COL19A1: variants seen among roughly 807,000 people sequenced by gnomAD.
The protein encoded by COL19A1 is collagen type XIX alpha 1 chain.
COL19A1 carries 159 observed loss-of-function variants against 190.2 expected under a neutral mutation model. The ratio of observed to expected loss-of-function variants is 0.84; its 90% CI spans 0.73 to 0.95. COL19A1 has a LOEUF of 0.95. Ranked by LOEUF, COL19A1 falls within the 40% of genes least tolerant of loss-of-function variation. The pLI is 0.00. For synonymous variants in COL19A1, 509 were observed against 458.9 expected (o/e 1.11, Z -1.39); for missense variants, 1,418 against 1,431.9 (o/e 0.99, Z 0.16).
At chr6:70,063,727 A>G (rs1780991915) in intron 14 of COL19A1, among the ~76,000 whole-genome samples, 1 of 152,192 alleles carries the variant, frequency 6.6e-6, no homozygotes, top group Non-Finnish European at 1.5e-5. Context: ...GAATTGATAG[A>G]CCGCTAGCAA....
intron 41 of COL19A1, among the ~76,000 whole-genome samples, chr6:70,172,547 G>A (rs73746890): frequency 4.5e-4 from 69 of 152,254 alleles, no homozygotes; most frequent in African/African-American, 1.6e-3. Context: ...TGGAGAACCA[G>A]TGCCAGTCTG....
intron 16 of COL19A1, among the ~76,000 whole-genome samples, chr6:70,106,379 T>A (rs1783966782): frequency 6.6e-6 from 1 of 151,788 alleles, no homozygotes; most frequent in Non-Finnish European, 1.5e-5. Flanking sequence ...CAACGTTTTG[T>A]CCCCTGAGAC....
chr6:70,145,722 C>CTTTTTTTTTT (rs56306364), intron 25 of COL19A1, among the ~76,000 whole-genome samples: 3 of 128,172 alleles, frequency 2.3e-5, no homozygotes, highest in Non-Finnish European at 3.2e-5. Flanking sequence ...CTTATTGTTT[C>CTTTTTTTTTT]TTTTTTTTTT....
At chr6:70,163,943 G>A (rs1787975818) in intron 36 of COL19A1, among the ~76,000 whole-genome samples, 1 of 152,156 alleles carries the variant, frequency 6.6e-6, no homozygotes, top group Admixed American at 6.5e-5. Flanking sequence ...GGGTGACCAA[G>A]CTCCCTTGGG....
intron 36 of COL19A1, among the ~76,000 whole-genome samples, chr6:70,165,365 T>C (rs887314914): frequency 2.2e-4 from 33 of 152,248 alleles, no homozygotes; most frequent in African/African-American, 8.0e-4. Flanking sequence ...TAAACAGTAC[T>C]ATACCACAGT....
At chr6:69,876,531 C>A (rs1768140896) in intron 1 of COL19A1, among the ~76,000 whole-genome samples, 1 of 152,072 alleles carries the variant, frequency 6.6e-6, no homozygotes, top group South Asian at 2.1e-4. Context: ...TAAGTTAAGG[C>A]CCTATATAAT....
intron 49 of COL19A1, among the ~76,000 whole-genome samples, chr6:70,205,295 A>G (rs1767787799): frequency 6.6e-6 from 1 of 152,254 alleles, no homozygotes; most frequent in Non-Finnish European, 1.5e-5. Context: ...TAATGTGTAC[A>G]TTGTATGACC....
At chr6:69,925,612 A>G (rs762464044) in intron 4 of COL19A1, among the ~76,000 whole-genome samples, 70 of 152,216 alleles carry the variant, frequency 4.6e-4, no homozygotes, top group Non-Finnish European at 8.8e-4. Context: ...GTTTTTTCCA[A>G]TTCTGTGAAG....
At chr6:70,051,699 A>G (rs1386189817) in intron 14 of COL19A1, among the ~76,000 whole-genome samples, 1 of 152,054 alleles carries the variant, frequency 6.6e-6, no homozygotes, top group African/African-American at 2.4e-5. Flanking sequence ...ATGCAGAAGC[A>G]CAAAAGCCTC....
In COL19A1 at chr6:70,137,791, A is replaced by C. The variant is rs180920498; in HGVS notation, c.1446+44A>C. 4.2e-5 allele frequency: 67 copies of C among 1,593,594 alleles called. 1 individual carries two copies. In the African/African-American group the frequency reaches 7.2e-4, roughly 17 times the overall value. ...AGGACAGAGGAAGAATATCTAAAAAACGGGATTAAAAATACGTTTCCAAAT... is the reference window on the plus strand; with the variant it reads ...AGGACAGAGGAAGAATATCTAAAAACCGGGATTAAAAATACGTTTCCAAAT... On this transcript the variant is annotated intron_variant, in intron 19 of 50. Transcript: ENST00000620364.
chr6:70,068,504 C>G, intron 15 of COL19A1, 28 bp downstream of exon 15: 1 of 1,461,050 alleles, frequency 6.8e-7, no homozygotes, highest in Non-Finnish European at 9.5e-7. Flanking sequence ...AACTGGTGGG[C>G]ATTACTAACT....
chr6:70,184,601 G>C lies in COL19A1; in HGVS notation c.2776-102G>C, dbSNP rs553006380. 1.8e-5 allele frequency: 16 copies of C among 905,358 alleles called. No homozygotes were observed. In the African/African-American group the frequency reaches 2.5e-4, roughly 14 times the overall value. The allele number at this position is 905,358 out of a possible 1,614,324, so 56.1% of individuals were successfully genotyped here. ...ACCACCTTTCTTTACCAAGCTCTCA[G>C]TAGAAATATGATTAAGGAACTGTCC... is the stretch of plus-strand genomic sequence containing the variant. On this transcript the variant is annotated intron_variant, in intron 44 of 50. Coordinates refer to ENST00000620364, the MANE Select transcript of COL19A1 (RefSeq NM_001858.6).
intron 25 of COL19A1, 47 bp downstream of exon 25, chr6:70,145,054 T>C (rs1478684114): frequency 1.1e-5 from 14 of 1,315,642 alleles, no homozygotes; most frequent in Non-Finnish European, 1.5e-5. Context: ...AGTTCATTAA[T>C]TACTACTTGT....
At chr6:70,186,809 A>G (rs1273925067) in intron 46 of COL19A1, among the ~76,000 whole-genome samples, 1 of 152,188 alleles carries the variant, frequency 6.6e-6, no homozygotes, top group Non-Finnish European at 1.5e-5. Context: ...TTCATATCAC[A>G]TTTAGGCACA....
chr6:70,044,908 G>A (rs762819952), intron 14 of COL19A1, among the ~76,000 whole-genome samples: 42 of 152,052 alleles, frequency 2.8e-4, no homozygotes, highest in Non-Finnish European at 4.9e-4. Context: ...TTTTAAGCTA[G>A]TGAAGTTTAT....
chr6:70,040,503 A>C (rs1018791124), intron 14 of COL19A1, among the ~76,000 whole-genome samples: 2 of 152,224 alleles, frequency 1.3e-5, no homozygotes, highest in African/African-American at 4.8e-5. Flanking sequence ...CCTATTAATA[A>C]GAAAGCCAAC....
chr6:69,929,477 C>T lies in COL19A1; in HGVS notation c.443C>T (p.Ala148Val), dbSNP rs761927803. Reference protein sequence around the residue: ...GKKVVEFMFQATEGDVLNYIF... With the variant: ...GKKVVEFMFQVTEGDVLNYIF... Reference sequence around the variant, plus strand: ...AAGGTGGTGGAATTTATGTTTCAAGCCACAGAGGGAGATGTGTTGAACTAC... The same window carrying T: ...AAGGTGGTGGAATTTATGTTTCAAGTCACAGAGGGAGATGTGTTGAACTAC... The change falls in exon 6 of 51, where the codon GCC becomes GTC. Residue 148 changes from alanine (A) to valine (V), a missense_variant. Physicochemically the swap from Ala to Val is moderately conservative, Grantham distance 64. Transcript: ENST00000620364. 3 of 1,613,828 alleles carry T rather than the reference C, an allele frequency of 1.9e-6. No homozygotes were observed. The highest frequency in any genetic ancestry group is 2.7e-5 in the African/African-American group (2 of 74,916).
chr6:69,900,047 C>A (rs894015143), intron 3 of COL19A1, among the ~76,000 whole-genome samples, 192 bp from the exon 4 acceptor site: 1 of 151,964 alleles, frequency 6.6e-6, no homozygotes, highest in East Asian at 1.9e-4. Context: ...GCTACACGTT[C>A]TATATGCAAA....
rs1286747723 is a variant in COL19A1, at chr6:70,145,017, A to C, written c.1770+10A>C. On this transcript the variant is annotated intron_variant, in intron 25 of 50. Coordinates refer to ENST00000620364, the MANE Select transcript of COL19A1 (RefSeq NM_001858.6). ...CCTGCCAGGGGAACCAGTAAGTATTAGCCCTTTTGTTAATATTTTTCTTGC... is the reference window on the plus strand; with the variant it reads ...CCTGCCAGGGGAACCAGTAAGTATTCGCCCTTTTGTTAATATTTTTCTTGC... 6.5e-7 allele frequency: 1 copy of C among 1,542,364 alleles called. No individual in the cohort carries two copies. Among genetic ancestry groups the C allele is most frequent in the Non-Finnish European group, 8.8e-7 (1 of 1,142,700 alleles).
Sources: allele counts gnomAD v4.1 joint callset (sites outside exome capture counted in the v4.1 genomes callset), GRCh38; gene constraint gnomAD v4.1.1; transcripts MANE v1.5; gene names NCBI Gene and HGNC (gene_info 2026-07-23, HGNC 2026-07-21).